Variants in TSGA10 observed in about 807,000 individuals in gnomAD.
The protein encoded by TSGA10 is testis specific 10, also known as testis-specific gene 10 protein.
Under a neutral mutation model 96.6 loss-of-function variants are expected in TSGA10, and 43 were observed. That is an observed-to-expected ratio of 0.44 (90% CI 0.35 to 0.57). The LOEUF (loss-of-function observed/expected upper bound fraction) is 0.57, where lower values mean the gene tolerates loss of function less well. TSGA10 is among the 20% of genes least tolerant of loss of function. The pLI is 0.01. For missense variants in TSGA10, 703 were observed against 834.4 expected (o/e 0.84, Z 1.94); for synonymous variants, 229 against 269.9 (o/e 0.85, Z 1.48).
rs561947790 is a variant in TSGA10, at chr2:99,078,769, T to C, written c.772A>G (p.Ile258Val). ...QNIAQREEIS[I>V]LGGTLNDLAK... ...AGATCATTGAGGGTTCCACCAAGAA[T>C]GCTGATTTCTTCTCGCTGTGCAATA... The change falls in exon 12 of 21, where the codon ATT becomes GTT. Residue 258 changes from isoleucine to valine, a missense_variant. Coordinates refer to ENST00000393483, the MANE Select transcript of TSGA10 (RefSeq NM_025244.4). 4.6e-5 allele frequency: 74 copies of C among 1,613,640 alleles called. No homozygotes were observed. In the South Asian group the frequency reaches 7.8e-4, roughly 17 times the overall value.
rs1413920977 is a variant in TSGA10, at chr2:99,127,068, T to G, written c.-512A>C. The stretch of plus-strand genomic sequence containing the variant: ...GCAACCTGTAATTTCAGTGTCGAGA[T>G]GAATCTATCTTGGTTTCTCACTTCT... On this transcript the variant is annotated 5_prime_UTR_variant, in exon 2 of 21. Coordinates refer to ENST00000393483, the MANE Select transcript of TSGA10 (RefSeq NM_025244.4). 4 of 1,289,478 alleles carry G rather than the reference T, an allele frequency of 3.1e-6. No homozygotes were observed. The Admixed American group carries it at 6.9e-5, about 22-fold the overall frequency. 79.9% of individuals were successfully genotyped at this position (1,289,478 alleles called of 1,614,324 possible).
At chr2:99,085,461 TAGTC>T (rs1168245779) in intron 10 of TSGA10, among the ~76,000 whole-genome samples, 5 of 151,016 alleles carry the variant, frequency 3.3e-5, no homozygotes, top group South Asian at 2.1e-4. Flanking sequence ...TTTTAAAAAT[TAGTC>T]AGGCACAGCG....
At chr2:99,120,850 G>A (rs756383069) in intron 2 of TSGA10, among the ~76,000 whole-genome samples, 3 of 152,006 alleles carry the variant, frequency 2.0e-5, no homozygotes, top group South Asian at 2.1e-4. Flanking sequence ...CTCCTTCCCC[G>A]CCCTCAATTC....
chr2:99,021,343 A>C (rs1426948868), intron 17 of TSGA10, among the ~76,000 whole-genome samples: 1 of 152,198 alleles, frequency 6.6e-6, no homozygotes, highest in African/African-American at 2.4e-5. Flanking sequence ...CTTAACCAAA[A>C]TTTGAAAGGA....
At chr2:99,015,039 C>G (rs1227821541) in intron 20 of TSGA10, among the ~76,000 whole-genome samples, 1 of 152,140 alleles carries the variant, frequency 6.6e-6, no homozygotes, top group Non-Finnish European at 1.5e-5. Context: ...GATGGATTCA[C>G]AGCTGAATTC....
chr2:99,033,081 G>A (rs2081289156), intron 17 of TSGA10, among the ~76,000 whole-genome samples: 1 of 152,246 alleles, frequency 6.6e-6, no homozygotes. Context: ...GCAGATGGCA[G>A]TGGTTGCCAT....
At chr2:99,077,784 G>A (rs928694190) in intron 12 of TSGA10, among the ~76,000 whole-genome samples, 2 of 151,664 alleles carry the variant, frequency 1.3e-5, no homozygotes, top group South Asian at 2.1e-4. Context: ...GGTTGGTCTC[G>A]AACTCCTGAC....
intron 20 of TSGA10, 27 bp downstream of exon 20, chr2:99,018,173 A>T (rs2079699380): frequency 1.2e-6 from 2 of 1,613,206 alleles, no homozygotes. Flanking sequence ...TTTGATCTCA[A>T]GAGAATGGAT....
At chr2:99,042,792 T>C (rs768062700) in intron 16 of TSGA10, among the ~76,000 whole-genome samples, 2 of 151,840 alleles carry the variant, frequency 1.3e-5, no homozygotes, top group African/African-American at 2.4e-5. Context: ...CAACCTCTGC[T>C]TCCCAGGTTC....
At chr2:99,020,162 T>C (rs1235397982) in intron 18 of TSGA10, 118 bp downstream of exon 18, 7 of 788,474 alleles carry the variant, frequency 8.9e-6, no homozygotes, top group Non-Finnish European at 1.4e-5. Context: ...AATCACAGTA[T>C]TTCTGATCCT....
Position 99,136,009 on chromosome 2 carries a change from C to CAAAAAAAAAA in TSGA10, c.-620-8843_-620-8834dup, listed in dbSNP as rs56120844. Among the ~76,000 whole-genome samples the CAAAAAAAAAA allele has an allele frequency of 2.7e-4, 34 of 125,744 alleles. 3 individuals carry two copies. The highest frequency in any genetic ancestry group is 4.9e-4 in the East Asian group (2 of 4,056). 82.5% of individuals were successfully genotyped at this position (125,744 alleles called of 152,430 possible). A position where few individuals can be genotyped will look rare whatever the true frequency, so the allele number is the denominator to read the frequency against. Reference sequence around the variant, plus strand: ...GGGGGACAAGAGCGAGACTTCGTACCAAAAAAAAAAAAGGGTCTGCATCAT... The same window carrying CAAAAAAAAAA: ...GGGGGACAAGAGCGAGACTTCGTACCAAAAAAAAAAAAAAAAAAAAAAGGGTCTGCATCAT... On this transcript the variant is annotated intron_variant, in intron 1 of 20. Coordinates refer to ENST00000393483, the MANE Select transcript of TSGA10 (RefSeq NM_025244.4).
chr2:99,144,072 G>A (rs1474328049), intron 1 of TSGA10, among the ~76,000 whole-genome samples: 1 of 151,982 alleles, frequency 6.6e-6, no homozygotes, highest in East Asian at 1.9e-4. Flanking sequence ...CCAGGCTGGA[G>A]TGCAGTGGCG....
chr2:99,011,623 G>A (rs975222634), intron 20 of TSGA10, among the ~76,000 whole-genome samples: 6 of 152,132 alleles, frequency 3.9e-5, no homozygotes, highest in African/African-American at 1.4e-4. Context: ...AAGCCTCCCT[G>A]ACCTTGCTGG....
chr2:99,016,391 G>A (rs1021674698), intron 20 of TSGA10, among the ~76,000 whole-genome samples: 1 of 152,096 alleles, frequency 6.6e-6, no homozygotes, highest in Non-Finnish European at 1.5e-5. Context: ...AACATAAAGT[G>A]GGGAAAGGAC....
At chr2:99,115,833 C>T (rs891950983) in intron 4 of TSGA10, among the ~76,000 whole-genome samples, 12 of 152,092 alleles carry the variant, frequency 7.9e-5, no homozygotes, top group Non-Finnish European at 1.5e-5. Context: ...GAGCCGAGAT[C>T]GCGCCACTGC....
At chr2:99,111,583 G>A (rs2091821273) in intron 4 of TSGA10, among the ~76,000 whole-genome samples, 1 of 151,936 alleles carries the variant, frequency 6.6e-6, no homozygotes, top group African/African-American at 2.4e-5. Context: ...GAATTCTCTG[G>A]AATTATTGTA....
intron 1 of TSGA10, among the ~76,000 whole-genome samples, chr2:99,144,267 C>G (rs1461066688): frequency 6.6e-6 from 1 of 151,920 alleles, no homozygotes; most frequent in South Asian, 2.1e-4. Flanking sequence ...ATGACCTGCC[C>G]GCCTCGGCCT....
intron 14 of TSGA10, among the ~76,000 whole-genome samples, chr2:99,070,285 T>C (rs896413156): frequency 6.6e-6 from 1 of 152,090 alleles, no homozygotes; most frequent in Non-Finnish European, 1.5e-5. Flanking sequence ...TTATTAACCA[T>C]TTTTACAGAT....
At chr2:99,020,247 T>C (rs767018350) in intron 18 of TSGA10, 33 bp downstream of exon 18, 2 of 1,576,672 alleles carry the variant, frequency 1.3e-6, no homozygotes, top group African/African-American at 1.3e-5. Flanking sequence ...AATTAAGATG[T>C]ATGACTTTAC....
Sources: allele counts gnomAD v4.1 joint callset (sites outside exome capture counted in the v4.1 genomes callset), GRCh38; gene constraint gnomAD v4.1.1; transcripts MANE v1.5; gene names NCBI Gene and HGNC (gene_info 2026-07-23, HGNC 2026-07-21).